Variants in POFUT3 observed in about 807,000 individuals in gnomAD.
POFUT3 encodes the protein GDP-fucose protein O-fucosyltransferase 3.
At chr8:33,318,554 AATATATATATAAT>A in the POFUT3 span, among the ~76,000 whole-genome samples, 1 of 104,048 alleles carries the variant, frequency 9.6e-6, no homozygotes, top group African/African-American at 4.5e-5. Context: ...ATTTTATATA[AATATATATATAAT>A]ATATAAATAT....
the POFUT3 span, among the ~76,000 whole-genome samples, chr8:33,323,379 C>A: frequency 6.6e-6 from 1 of 152,164 alleles, no homozygotes; most frequent in African/African-American, 2.4e-5. Context: ...CTGCAGGGTG[C>A]ATGAAGCTTT....
At chr8:33,324,849 A>C in the POFUT3 span, among the ~76,000 whole-genome samples, 2,652 of 151,946 alleles carry the variant, frequency 0.017, 71 homozygotes, top group African/African-American at 0.061. Context: ...GTCACTTTCA[A>C]ATTATTAGAA....
chr8:33,421,476 A>G, the POFUT3 span, among the ~76,000 whole-genome samples: 46 of 152,332 alleles, frequency 3.0e-4, no homozygotes, highest in Admixed American at 2.4e-3. Context: ...CTAGTTTTAT[A>G]GGATGGTTCG....
chr8:33,465,320 G>A, the POFUT3 span, among the ~76,000 whole-genome samples: 1 of 151,710 alleles, frequency 6.6e-6, no homozygotes, highest in Admixed American at 6.6e-5. Context: ...AAGTAGGCAA[G>A]GTAGGTATTA....
the POFUT3 span, among the ~76,000 whole-genome samples, chr8:33,395,871 G>A: frequency 6.6e-6 from 1 of 152,100 alleles, no homozygotes; most frequent in African/African-American, 2.4e-5. Context: ...TCCTGCAAGG[G>A]GTTTGAGCAT....
chr8:33,387,791 G>A, the POFUT3 span, among the ~76,000 whole-genome samples: 1 of 152,082 alleles, frequency 6.6e-6, no homozygotes, highest in Non-Finnish European at 1.5e-5. Flanking sequence ...GCAACAGAGT[G>A]AGACTCGGTC....
chr8:33,395,986 A>C, the POFUT3 span, among the ~76,000 whole-genome samples: 2 of 152,216 alleles, frequency 1.3e-5, no homozygotes, highest in African/African-American at 4.8e-5. Context: ...AACTCTTCCA[A>C]TTCTCATGTA....
the POFUT3 span, among the ~76,000 whole-genome samples, chr8:33,377,096 G>C: frequency 1.3e-5 from 2 of 152,094 alleles, no homozygotes; most frequent in African/African-American, 4.8e-5. Context: ...GCTGGGCATG[G>C]TGGCATATGC....
At chr8:33,322,954 T>C in the POFUT3 span, among the ~76,000 whole-genome samples, 5 of 152,086 alleles carry the variant, frequency 3.3e-5, no homozygotes, top group Admixed American at 6.6e-5. Flanking sequence ...TTTTTTTTTT[T>C]CAAAGACAAC....
the POFUT3 span, among the ~76,000 whole-genome samples, chr8:33,386,641 T>C: frequency 3.3e-5 from 5 of 152,234 alleles, no homozygotes; most frequent in African/African-American, 1.2e-4. Context: ...AAACCCCGTC[T>C]CTACTAAAAA....
At chr8:33,406,009 T>C in the POFUT3 span, among the ~76,000 whole-genome samples, 1 of 152,194 alleles carries the variant, frequency 6.6e-6, no homozygotes, top group Non-Finnish European at 1.5e-5. Flanking sequence ...ATTTTTAATT[T>C]AATTCACCCA....
the POFUT3 span, among the ~76,000 whole-genome samples, chr8:33,454,321 C>T: frequency 1.3e-5 from 2 of 152,168 alleles, no homozygotes; most frequent in African/African-American, 4.8e-5. Flanking sequence ...TGGCCTCCTT[C>T]CTCCTCTTCA....
the POFUT3 span, among the ~76,000 whole-genome samples, chr8:33,363,560 A>C: frequency 1.3e-5 from 2 of 152,204 alleles, no homozygotes; most frequent in African/African-American, 4.8e-5. Flanking sequence ...AGAATCAAAT[A>C]GACGCAATAA....
chr8:33,412,599 T>C, the POFUT3 span, among the ~76,000 whole-genome samples: 1 of 152,146 alleles, frequency 6.6e-6, no homozygotes, highest in South Asian at 2.1e-4. Flanking sequence ...ATATCACTCA[T>C]TGCATCTCTG....
At chr8:33,396,758 G>C in the POFUT3 span, among the ~76,000 whole-genome samples, 3 of 152,146 alleles carry the variant, frequency 2.0e-5, no homozygotes, top group South Asian at 4.1e-4. Context: ...AGAATACTGA[G>C]ACCCAGGTAA....
At chr8:33,451,066 A>G in the POFUT3 span, among the ~76,000 whole-genome samples, 294 of 148,104 alleles carry the variant, frequency 2.0e-3, 2 homozygotes, top group East Asian at 0.025. Context: ...AAGGAGGTGT[A>G]TGTGTGTGTG....
the POFUT3 span, among the ~76,000 whole-genome samples, chr8:33,340,789 G>A: frequency 9.2e-5 from 14 of 152,230 alleles, no homozygotes; most frequent in Admixed American, 9.2e-4. Flanking sequence ...CAAAACATAT[G>A]AAGCAAAAAC....
chr8:33,324,801 C>A, the POFUT3 span, among the ~76,000 whole-genome samples: 6 of 151,808 alleles, frequency 4.0e-5, no homozygotes, highest in Non-Finnish European at 7.4e-5. Context: ...GAAGTCATAG[C>A]TGCCCACTCC....
At chr8:33,318,294 G>A in the POFUT3 span, among the ~76,000 whole-genome samples, 1,829 of 151,214 alleles carry the variant, frequency 0.012, 35 homozygotes, top group African/African-American at 0.043. Context: ...TTGTAATTCA[G>A]AATCTTGGGG....
Sources: gnomAD v4.1 joint callset for allele counts (sites outside exome capture counted in the v4.1 genomes callset) on GRCh38, gnomAD v4.1.1 for gene constraint, MANE v1.5 for transcripts, NCBI Gene and HGNC (gene_info 2026-07-23, HGNC 2026-07-21) for gene names.